Variants in COPE observed in about 807,000 individuals in gnomAD.
COPE encodes the protein coat protein complex I subunit epsilon.
Under a neutral mutation model 42.1 loss-of-function variants are expected in COPE, and 19 were observed. The ratio of observed to expected loss-of-function variants is 0.45; its 90% CI spans 0.31 to 0.66. The LOEUF (loss-of-function observed/expected upper bound fraction) is 0.66. Among genes scored for constraint, COPE ranks in the 30% least tolerant of loss-of-function variants. The probability of loss-of-function intolerance (pLI) is 0.05; values close to 1 mark genes in which losing one functional copy is unlikely to be tolerated. For synonymous variants in COPE, 195 were observed against 181.3 expected (o/e 1.08, Z -0.60); for missense variants, 402 against 416.1 (o/e 0.97, Z 0.30).
At chr19:18,906,891 C>T (rs2056764776) in intron 4 of COPE, 69 bp downstream of exon 4, 38 of 1,476,240 alleles carry the variant, frequency 2.6e-5, no homozygotes, top group South Asian at 4.0e-5. Flanking sequence ...CGAGGCCGTG[C>T]GCAGCCTGGA....
At chr19:18,902,597 G>A (rs1248058710) in intron 7 of COPE, among the ~76,000 whole-genome samples, 4 of 145,928 alleles carry the variant, frequency 2.7e-5, no homozygotes, top group Admixed American at 1.4e-4. Flanking sequence ...CCCAGGAGGC[G>A]GAGGTTGCAT....
intron 7 of COPE, among the ~76,000 whole-genome samples, chr19:18,901,943 T>TC (rs1438062136): frequency 6.6e-6 from 1 of 151,408 alleles, no homozygotes; most frequent in Admixed American, 6.6e-5. Context: ...ACTTTGGGAG[T>TC]CCAAGGTGGG....
chr19:18,919,167 C>G lies in COPE; in HGVS notation c.126+56G>C. 5 of 1,560,884 alleles carry G rather than the reference C, an allele frequency of 3.2e-6. No individual in the cohort carries two copies. The South Asian group carries it at 4.7e-5, about 15-fold the overall frequency. On this transcript the variant is annotated intron_variant, in intron 1 of 9. Coordinates refer to ENST00000262812, the MANE Select transcript of COPE (RefSeq NM_007263.4). ...GACGCAGAACGCGGCTCGCGGCCAC[C>G]AGAAAGCGTCCTCCGCCTCCGCCCC...
At chr19:18,917,816 T>C (rs972782823) in intron 1 of COPE, among the ~76,000 whole-genome samples, 1 of 152,102 alleles carries the variant, frequency 6.6e-6, no homozygotes, top group African/African-American at 2.4e-5. Context: ...TGGGCCTTAA[T>C]AAGCACATTC....
intron 3 of COPE, 199 bp downstream of exon 3, chr19:18,910,772 C>T (rs2056802034): frequency 1.0e-5 from 6 of 602,416 alleles, no homozygotes; most frequent in East Asian, 5.6e-5. Flanking sequence ...CCCTTTGAAG[C>T]AGGATCCATC....
Position 18,907,225 on chromosome 19 carries a change from G to A in COPE, c.291-113C>T, listed in dbSNP as rs1283578038. ...AGAGAGGGTGAGCCAGGCCCTGGGG[G>A]TGCAGAGCAGCAGCAGGCCGAGCAT... is the stretch of plus-strand genomic sequence containing the variant. On this transcript the variant is annotated intron_variant, in intron 3 of 9. Transcript: ENST00000262812. 7 of 1,145,704 alleles carry A rather than the reference G, an allele frequency of 6.1e-6. No individual in the cohort carries two copies. In the East Asian group the frequency reaches 1.0e-4, roughly 17 times the overall value. 71.0% of individuals were successfully genotyped at this position (1,145,704 alleles called of 1,614,324 possible). A position where few individuals can be genotyped will look rare whatever the true frequency, so the allele number is the denominator to read the frequency against.
rs754873656 is a variant in COPE, at chr19:18,919,298, G to C, written c.51C>G (p.Asp17Glu). ...AGGCGTTCTTTACGTCGAACAGCTC[G>C]TCTACCTCCCCGGAGCCGCCGGAGG... ...GPASGGSGEV[D>E]ELFDVKNAFY... is the part of the protein sequence containing the mutation. The change falls in exon 1 of 10, where the codon GAC becomes GAG. Residue 17 changes from aspartate (D) to glutamate (E), a missense_variant. Coordinates refer to ENST00000262812, the MANE Select transcript of COPE (RefSeq NM_007263.4). 1.2e-6 allele frequency: 2 copies of C among 1,613,764 alleles called. No individual in the cohort carries two copies. The highest frequency in any genetic ancestry group is 1.1e-5 in the South Asian group (1 of 91,088).
At chr19:18,917,685 G>T (rs1473711042) in intron 1 of COPE, among the ~76,000 whole-genome samples, 2 of 152,062 alleles carry the variant, frequency 1.3e-5, no homozygotes, top group Non-Finnish European at 2.9e-5. Flanking sequence ...CTAACTACAA[G>T]CAGCCAGAAA....
intron 7 of COPE, among the ~76,000 whole-genome samples, chr19:18,901,821 C>T (rs1233754651): frequency 6.6e-6 from 1 of 152,016 alleles, no homozygotes; most frequent in Non-Finnish European, 1.5e-5. Context: ...AAAAAACAAA[C>T]AAAAAACCCC....
chr19:18,913,578 G>T (rs2056829883), intron 1 of COPE, among the ~76,000 whole-genome samples: 1 of 146,770 alleles, frequency 6.8e-6, no homozygotes, highest in African/African-American at 2.6e-5. Context: ...TAATGAAGCT[G>T]CCCCTGAGCC....
At chr19:18,905,941 G>A in intron 4 of COPE, 1 of 514,844 alleles carries the variant, frequency 1.9e-6, no homozygotes, top group Non-Finnish European at 3.4e-6. Context: ...ACACCCTGGA[G>A]GCATCAACAC....
chr19:18,899,700 T>A lies in COPE; in HGVS notation c.906A>T (p.Leu302=). 1 of 1,613,602 alleles carries A rather than the reference T, an allele frequency of 6.2e-7. No homozygotes were observed. Among genetic ancestry groups the A allele is most frequent in the South Asian group, 1.1e-5 (1 of 91,088 alleles). The change falls in exon 10 of 10, where the codon CTA becomes CTT. Residue 302 remains leucine, a synonymous_variant. Transcript: ENST00000262812. The part of the protein sequence containing the change: ...AKENDFDRLV[L]QYAPSA ...AGCCTCAGGCGCTGGGAGCGTACTG[T>A]AGCACCAGCCTGTCAAAGTCGTTCT...
intron 1 of COPE, among the ~76,000 whole-genome samples, chr19:18,915,774 T>A (rs962244671): frequency 3.3e-5 from 5 of 152,240 alleles, no homozygotes. Flanking sequence ...GCCAGTGATC[T>A]GACCGCACTG....
rs559756050 is a variant in COPE, at chr19:18,913,498, C to T, written c.127-452G>A. On this transcript the variant is annotated intron_variant, in intron 1 of 9. Transcript: ENST00000262812. ...GCTCTGTACTTGGGCCACACCCCCA[C>T]AGCCCAGCCATTGCACAGAACTGAG... 1.2e-4 allele frequency among the ~76,000 whole-genome samples: 18 copies of T among 152,364 alleles called. 1 individual carries two copies. The South Asian group carries it at 3.7e-3, about 32-fold the overall frequency.
At position 18,911,220 on chromosome 19, in the gene COPE, T is replaced by C. The variant is rs1448925355; in HGVS notation, c.190-149A>G. 7.4e-6 allele frequency: 5 copies of C among 673,156 alleles called. No individual in the cohort carries two copies. The African/African-American group carries it at 8.9e-5, about 12-fold the overall frequency. 41.7% of individuals were successfully genotyped at this position (673,156 alleles called of 1,614,324 possible). A position where few individuals can be genotyped will look rare whatever the true frequency, so the allele number is the denominator to read the frequency against. ...GGGCCACCTCCACTGCAGTACACTG[T>C]GGAGGGTGGCATGGCGTCACCTGTC... On this transcript the variant is annotated intron_variant, in intron 2 of 9. Transcript: ENST00000262812.
rs978473486 is a variant in COPE at position 18,910,962 on chromosome 19, G to C, written c.290+9C>G. On this transcript the variant is annotated intron_variant, in intron 3 of 9. Coordinates refer to ENST00000262812, the MANE Select transcript of COPE (RefSeq NM_007263.4). ...GCGCCTCAGGCCAACCCATTCTCTG[G>C]GGCCTCACCTCCGACTCTCGTGGGC... is the stretch of plus-strand genomic sequence containing the variant. 6.2e-7 allele frequency: 1 copy of C among 1,613,080 alleles called. No individual in the cohort carries two copies. The highest frequency in any genetic ancestry group is 8.5e-7 in the Non-Finnish European group (1 of 1,179,738).
rs374423155 is a variant in COPE at position 18,907,125 on chromosome 19, G to C, written c.291-13C>G. Reference sequence around the variant, plus strand: ...CACGATGCTGTCCCTGCAAGACAGAGATGCTCACGACCCACAGCTGGGGTG... The same window carrying C: ...CACGATGCTGTCCCTGCAAGACAGACATGCTCACGACCCACAGCTGGGGTG... On this transcript the variant is annotated splice_polypyrimidine_tract_variant and intron_variant, in intron 3 of 9. Coordinates refer to ENST00000262812, the MANE Select transcript of COPE (RefSeq NM_007263.4). The C allele has an allele frequency of 8.7e-6, 14 of 1,609,188 alleles. No homozygotes were observed. The highest frequency in any genetic ancestry group is 1.1e-5 in the Non-Finnish European group (13 of 1,178,696).
At chr19:18,909,078 T>A (rs1486540431) in intron 3 of COPE, among the ~76,000 whole-genome samples, 1 of 152,236 alleles carries the variant, frequency 6.6e-6, no homozygotes, top group Non-Finnish European at 1.5e-5. Context: ...AGGTCGCGGC[T>A]GTGCAGCCAG....
intron 3 of COPE, among the ~76,000 whole-genome samples, chr19:18,907,841 TG>T (rs1217821793): frequency 3.3e-5 from 5 of 152,194 alleles, no homozygotes; most frequent in African/African-American, 1.2e-4. Context: ...CACGCGCATC[TG>T]GGGGCTGTCT....
Sources: allele counts gnomAD v4.1 joint callset (sites outside exome capture counted in the v4.1 genomes callset), GRCh38; gene constraint gnomAD v4.1.1; transcripts MANE v1.5; gene names NCBI Gene and HGNC (gene_info 2026-07-23, HGNC 2026-07-21).